The following AGBL4 variants were observed in gnomAD, a reference collection of about 807,000 sequenced individuals.
AGBL4 encodes the protein AGBL carboxypeptidase 4, also known as cytosolic carboxypeptidase 6.
Under a neutral mutation model 66.4 loss-of-function variants are expected in AGBL4, and 58 were observed. The observed-to-expected ratio is 0.87, with a 90% CI of 0.71 to 1.09. The LOEUF is 1.09. AGBL4 is among the 50% of genes least tolerant of loss of function. AGBL4 has a pLI of 0.00. For missense variants in AGBL4, 579 were observed against 631.0 expected (o/e 0.92, Z 0.88); for synonymous variants, 234 against 222.9 (o/e 1.05, Z -0.44).
At chr1:49,216,035 A>T (rs1196450034) in intron 4 of AGBL4, among the ~76,000 whole-genome samples, 1 of 152,128 alleles carries the variant, frequency 6.6e-6, no homozygotes, top group Non-Finnish European at 1.5e-5. Flanking sequence ...GCCAGTATCA[A>T]TTCTAGGTTC....
At chr1:49,393,829 T>A (rs1186388686) in intron 3 of AGBL4, among the ~76,000 whole-genome samples, 4 of 152,184 alleles carry the variant, frequency 2.6e-5, no homozygotes, top group African/African-American at 9.6e-5. Flanking sequence ...GATACATCTA[T>A]GACAGAGAAT....
intron 2 of AGBL4, among the ~76,000 whole-genome samples, chr1:49,701,988 C>A (rs915521784): frequency 1.3e-5 from 2 of 151,424 alleles, no homozygotes; most frequent in Non-Finnish European, 2.9e-5. Flanking sequence ...GGTAATTCCA[C>A]CAAGAACATA....
At chr1:49,227,708 A>G (rs183515417) in intron 4 of AGBL4, among the ~76,000 whole-genome samples, 1 of 152,336 alleles carries the variant, frequency 6.6e-6, no homozygotes, top group Admixed American at 6.5e-5. Flanking sequence ...TGTAGAAATA[A>G]TTTTAATACA....
At chr1:49,540,273 C>T (rs1459903693) in intron 3 of AGBL4, among the ~76,000 whole-genome samples, 1 of 152,092 alleles carries the variant, frequency 6.6e-6, no homozygotes, top group Non-Finnish European at 1.5e-5. Flanking sequence ...TCTTTTTATT[C>T]TTCCATGACT....
chr1:48,863,950 A>T (rs1647737066), intron 6 of AGBL4, among the ~76,000 whole-genome samples: 1 of 152,098 alleles, frequency 6.6e-6, no homozygotes, highest in Non-Finnish European at 1.5e-5. Context: ...TCAACTACAT[A>T]AAAAAATTTT....
At chr1:49,387,355 T>C (rs2148586130) in intron 3 of AGBL4, among the ~76,000 whole-genome samples, 1 of 152,124 alleles carries the variant, frequency 6.6e-6, no homozygotes, top group South Asian at 2.1e-4. Context: ...AAAGAAGCTC[T>C]TGATAATCAT....
chr1:49,703,823 T>A (rs1400996741), intron 2 of AGBL4, among the ~76,000 whole-genome samples: 1 of 152,136 alleles, frequency 6.6e-6, no homozygotes, highest in East Asian at 1.9e-4. Context: ...GATTTTTCTA[T>A]GTAAAGAATA....
At position 49,084,064 on chromosome 1, in the gene AGBL4, T is replaced by C. The variant is rs1434577817; in HGVS notation, c.378-38264A>G. 3.4e-4 allele frequency among the ~76,000 whole-genome samples: 51 copies of C among 149,678 alleles called. 1 individual carries two copies. The highest frequency in any genetic ancestry group is 3.3e-3 in the Admixed American group (50 of 14,934). Reference sequence around the variant, plus strand: ...TGAGACCACCTCAGCCTGGACCTCATTGTCCATATCACTATCAGCATTTTG... The same window carrying C: ...TGAGACCACCTCAGCCTGGACCTCACTGTCCATATCACTATCAGCATTTTG... On this transcript the variant is annotated intron_variant, in intron 4 of 13. Transcript: ENST00000371839.
intron 6 of AGBL4, among the ~76,000 whole-genome samples, chr1:48,815,808 G>T (rs1431055008): frequency 6.6e-6 from 1 of 152,146 alleles, no homozygotes; most frequent in Admixed American, 6.6e-5. Context: ...CAGAAAGGCA[G>T]ATGGGTTAAG....
chr1:48,697,130 A>C (rs75958006), intron 6 of AGBL4, among the ~76,000 whole-genome samples: 2,539 of 152,088 alleles, frequency 0.017, 66 homozygotes, highest in African/African-American at 0.058. Flanking sequence ...CCAGTAGAGG[A>C]TTCAGCTGCT....
intron 3 of AGBL4, among the ~76,000 whole-genome samples, chr1:49,594,076 G>T (rs1019183302): frequency 6.6e-6 from 1 of 152,100 alleles, no homozygotes; most frequent in Non-Finnish European, 1.5e-5. Flanking sequence ...AAATGCTTAC[G>T]TGAAAATTCG....
At chr1:48,689,578 T>G (rs1315839451) in intron 6 of AGBL4, among the ~76,000 whole-genome samples, 1 of 152,014 alleles carries the variant, frequency 6.6e-6, no homozygotes, top group Non-Finnish European at 1.5e-5. Context: ...TAATCTTCAA[T>G]GAAGAGGGTA....
chr1:49,857,513 G>C (rs1200513659), intron 1 of AGBL4, among the ~76,000 whole-genome samples: 1 of 152,028 alleles, frequency 6.6e-6, no homozygotes, highest in African/African-American at 2.4e-5. Flanking sequence ...CACAGTGTTA[G>C]TAAATAAACA....
intron 3 of AGBL4, among the ~76,000 whole-genome samples, chr1:49,270,366 T>C (rs1036249303): frequency 6.6e-6 from 1 of 152,198 alleles, no homozygotes; most frequent in Non-Finnish European, 1.5e-5. Flanking sequence ...TCAGGTCACG[T>C]CAGGTGGCCA....
chr1:49,908,477 A>C (rs1323245876), intron 1 of AGBL4, among the ~76,000 whole-genome samples: 3 of 152,082 alleles, frequency 2.0e-5, no homozygotes, highest in Non-Finnish European at 4.4e-5. Flanking sequence ...GCTTGCTCCC[A>C]CTTTGCCTTC....
chr1:49,348,431 A>T (rs1033834837), intron 3 of AGBL4, among the ~76,000 whole-genome samples: 9 of 152,132 alleles, frequency 5.9e-5, no homozygotes, highest in African/African-American at 2.2e-4. Context: ...AAAAAAAAAA[A>T]TAAAAATAAA....
At position 48,709,219 on chromosome 1, in the gene AGBL4, C is replaced by T. The variant is rs183595067; in HGVS notation, c.635-45978G>A. Among the ~76,000 whole-genome samples, 683 of 152,302 alleles carry T rather than the reference C, an allele frequency of 4.5e-3. 7 individuals carry two copies. Among genetic ancestry groups the T allele is most frequent in the African/African-American group, 0.016 (655 of 41,566 alleles). On this transcript the variant is annotated intron_variant, in intron 6 of 13. Transcript: ENST00000371839. Reference sequence around the variant, plus strand: ...CCGCCTTTCCTTTCACGAAGTTCAACGAAATGCCTATTCTTGTACTAGGCT... The same window carrying T: ...CCGCCTTTCCTTTCACGAAGTTCAATGAAATGCCTATTCTTGTACTAGGCT...
intron 5 of AGBL4, among the ~76,000 whole-genome samples, chr1:48,929,617 T>C (rs935706742): frequency 5.9e-5 from 9 of 152,182 alleles, no homozygotes; most frequent in Non-Finnish European, 1.0e-4. Flanking sequence ...ATAAACTCCA[T>C]TGAAGGCAGA....
At chr1:49,710,401 G>C (rs1379740615) in intron 2 of AGBL4, among the ~76,000 whole-genome samples, 1 of 151,996 alleles carries the variant, frequency 6.6e-6, no homozygotes, top group East Asian at 1.9e-4. Context: ...AGACCATATG[G>C]GTACAGGGAA....
Sources: gnomAD v4.1 joint callset for allele counts (sites outside exome capture counted in the v4.1 genomes callset) on GRCh38, gnomAD v4.1.1 for gene constraint, MANE v1.5 for transcripts, NCBI Gene and HGNC (gene_info 2026-07-23, HGNC 2026-07-21) for gene names.